NAV2: variants seen among roughly 807,000 people sequenced by gnomAD.
NAV2 encodes neuron navigator 2.
In NAV2, 54 loss-of-function variants were observed where a neutral mutation model predicts 223.2. The ratio of observed to expected loss-of-function variants is 0.24; its 90% CI spans 0.19 to 0.30. The LOEUF is 0.30. Among genes scored for constraint, NAV2 ranks in the 10% least tolerant of loss-of-function variants. The pLI, the probability that NAV2 is intolerant of heterozygous loss-of-function variation, is 1.00. For missense variants in NAV2, 2,806 were observed against 3,147.5 expected (o/e 0.89, Z 2.60); for synonymous variants, 1,279 against 1,239.3 (o/e 1.03, Z -0.67).
intron 10 of NAV2, among the ~76,000 whole-genome samples, chr11:19,962,079 T>C (rs2153409172): frequency 6.6e-6 from 1 of 151,650 alleles, no homozygotes; most frequent in Non-Finnish European, 1.5e-5. Context: ...TTAGACTGCC[T>C]TTAGACTCGA....
upstream of NAV2, among the ~76,000 whole-genome samples, chr11:19,345,762 C>G (rs780355939): frequency 6.6e-6 from 1 of 152,232 alleles, no homozygotes; most frequent in Admixed American, 6.5e-5. This position sits in a 1 kb window ranked among gnomAD's most constrained non-coding sequence, Gnocchi z 5.2. Flanking sequence ...CTGCGCACGC[C>G]CCTATCCGGA....
At chr11:19,643,735 G>A (rs555874413) in intron 1 of NAV2, among the ~76,000 whole-genome samples, 15 of 152,238 alleles carry the variant, frequency 9.9e-5, no homozygotes, top group East Asian at 9.7e-4. Context: ...ATGAGGAATC[G>A]CCACACTGAC....
chr11:19,417,654 A>G (rs1282005059), intron 1 of NAV2, among the ~76,000 whole-genome samples: 1 of 152,248 alleles, frequency 6.6e-6, no homozygotes, highest in Non-Finnish European at 1.5e-5. Flanking sequence ...ACGCATGTTT[A>G]TTGCAGCACT....
intron 1 of NAV2, among the ~76,000 whole-genome samples, chr11:19,383,306 A>G (rs1406565070): frequency 6.6e-6 from 1 of 152,164 alleles, no homozygotes; most frequent in Admixed American, 6.5e-5. Flanking sequence ...ACCTCATGAT[A>G]CCAGAGGACT....
At chr11:19,397,868 G>A (rs1849525240) in intron 1 of NAV2, among the ~76,000 whole-genome samples, 1 of 152,096 alleles carries the variant, frequency 6.6e-6, no homozygotes, top group African/African-American at 2.4e-5. Context: ...CTCTGAGACT[G>A]GCTGGGCTGC....
chr11:19,590,077 G>A (rs936338178), intron 1 of NAV2, among the ~76,000 whole-genome samples: 6 of 152,166 alleles, frequency 3.9e-5, no homozygotes, highest in Admixed American at 1.3e-4. Flanking sequence ...TGTGATCTGC[G>A]AGCATTGGTC....
At chr11:19,708,767 T>C (rs2049757425), upstream of NAV2, among the ~76,000 whole-genome samples, 1 of 152,086 alleles carries the variant, frequency 6.6e-6, no homozygotes, top group South Asian at 2.1e-4. Context: ...TACGTTTCAA[T>C]TTGGCCTATC....
At chr11:19,836,595 G>T (rs896701271) in intron 2 of NAV2, among the ~76,000 whole-genome samples, 38 of 149,764 alleles carry the variant, frequency 2.5e-4, no homozygotes, top group Non-Finnish European at 4.9e-4. Flanking sequence ...CCGATCTGAT[G>T]AATGAATTGC....
chr11:19,884,304 A>G (rs1390087215), intron 5 of NAV2: 2 of 1,613,636 alleles, frequency 1.2e-6, no homozygotes, highest in Non-Finnish European at 8.5e-7. Flanking sequence ...TGCATCATCC[A>G]AGGACTCATC....
chr11:20,032,055 C>T (rs2055815311), intron 11 of NAV2, among the ~76,000 whole-genome samples: 1 of 152,212 alleles, frequency 6.6e-6, no homozygotes, highest in African/African-American at 2.4e-5. Flanking sequence ...CAAGTTAGAA[C>T]TAAGTGACTT....
chr11:19,896,585 T>C (rs1175390861), intron 6 of NAV2, among the ~76,000 whole-genome samples: 2 of 152,198 alleles, frequency 1.3e-5, no homozygotes. Flanking sequence ...ATATTTCACT[T>C]AGCATAATGT....
intron 1 of NAV2, among the ~76,000 whole-genome samples, chr11:19,727,142 A>T (rs2051322111): frequency 1.3e-5 from 2 of 152,162 alleles, no homozygotes; most frequent in African/African-American, 2.4e-5. Context: ...ACTGTTATCT[A>T]CTTGGTAGCT....
At chr11:19,834,403 C>T (rs888394147) in intron 2 of NAV2, among the ~76,000 whole-genome samples, 1 of 152,204 alleles carries the variant, frequency 6.6e-6, no homozygotes, top group Admixed American at 6.5e-5. Flanking sequence ...TATTATATTA[C>T]TTTTTACTCC....
intron 1 of NAV2, among the ~76,000 whole-genome samples, chr11:19,420,350 T>A (rs1000663116): frequency 1.3e-5 from 2 of 152,212 alleles, no homozygotes; most frequent in Non-Finnish European, 2.9e-5. Flanking sequence ...AAAATTGGTG[T>A]GACTGATATG....
intron 1 of NAV2, among the ~76,000 whole-genome samples, chr11:19,430,599 AC>A (rs1382001291): frequency 6.6e-6 from 1 of 152,176 alleles, no homozygotes; most frequent in Non-Finnish European, 1.5e-5. Flanking sequence ...ACTTTCAAAC[AC>A]CTGGAGACAG....
intron 11 of NAV2, among the ~76,000 whole-genome samples, chr11:20,011,758 G>T (rs1397216912): frequency 6.6e-6 from 1 of 152,208 alleles, no homozygotes; most frequent in East Asian, 1.9e-4. Flanking sequence ...TCTTTATCAG[G>T]ATTCATTAAC....
chr11:19,390,390 C>A (rs756542431), intron 1 of NAV2, among the ~76,000 whole-genome samples: 4 of 152,166 alleles, frequency 2.6e-5, no homozygotes, highest in Non-Finnish European at 5.9e-5. Context: ...AAAGCCTAAT[C>A]CTGCTTCCCT....
rs190793013 is a variant in NAV2 at position 20,101,117 on chromosome 11, G to T, written c.6362G>T (p.Arg2121Leu). The T allele has an allele frequency of 6.2e-7, 1 of 1,614,004 alleles. No individual in the cohort carries two copies. The highest frequency in any genetic ancestry group is 1.3e-5 in the African/African-American group (1 of 74,902). ...GAGTATATAGTGCTTCGAGAGGGACGGGAGTTGACAGACGGGGTTATCGCC... is the reference window on the plus strand; with the variant it reads ...GAGTATATAGTGCTTCGAGAGGGACTGGAGTTGACAGACGGGGTTATCGCC... ...LSEYIVLREG[R>L]ELTDGVIATF... Residue 2121 changes from arginine (R) to leucine (L), a missense_variant, in exon 32 of 38, where the codon CGG becomes CTG. This residue lies in a region of NAV2 where 824 missense variants were observed against 1,069.4 expected (regional missense o/e 0.77). Transcript: ENST00000349880.
chr11:19,646,811 C>T (rs1263813037), intron 1 of NAV2, among the ~76,000 whole-genome samples: 1 of 152,152 alleles, frequency 6.6e-6, no homozygotes, highest in East Asian at 1.9e-4. Context: ...GAACATGAGG[C>T]TCAGAGAAGT....
Sources: gnomAD v4.1 joint callset for allele counts (sites outside exome capture counted in the v4.1 genomes callset) on GRCh38, gnomAD v4.1.1 for gene constraint, gnomAD v4.1.1 regional missense constraint, Gnocchi (gnomAD v3.1) non-coding constraint, MANE v1.5 for transcripts, NCBI Gene and HGNC (gene_info 2026-07-23, HGNC 2026-07-21) for gene names.